Variants in EML6 observed in about 807,000 individuals in gnomAD.
The protein encoded by EML6 is EMAP like 6.
A neutral mutation model predicts 240.1 loss-of-function variants in EML6; 154 were observed. The observed-to-expected ratio is 0.64, with a 90% CI of 0.56 to 0.73. The LOEUF is 0.73. Ranked by LOEUF, EML6 falls within the 30% of genes least tolerant of loss-of-function variation. The pLI, the probability that EML6 is intolerant of heterozygous loss-of-function variation, is 0.00. For synonymous variants in EML6, 1,148 were observed against 899.0 expected, an observed-to-expected ratio of 1.28 and a Z score of -4.95; for missense variants, 2,964 against 2,474.6, an observed-to-expected ratio of 1.20 and a Z score of -4.20.
At chr2:54,961,397 G>A (rs758412529) in intron 35 of EML6, among the ~76,000 whole-genome samples, 2 of 151,184 alleles carry the variant, frequency 1.3e-5, no homozygotes, top group East Asian at 2.0e-4. Flanking sequence ...TGTTGGCCAG[G>A]CTGTTCTCAA....
intron 8 of EML6, among the ~76,000 whole-genome samples, chr2:54,844,581 G>A (rs1359328048): frequency 1.3e-5 from 2 of 152,206 alleles, no homozygotes; most frequent in Admixed American, 6.5e-5. Flanking sequence ...TTGGTCTTCT[G>A]CAGGGGGCTG....
chr2:54,948,180 C>T (rs1675784896), intron 28 of EML6, among the ~76,000 whole-genome samples: 1 of 152,174 alleles, frequency 6.6e-6, no homozygotes, highest in Non-Finnish European at 1.5e-5. Context: ...TTAGGGCTTA[C>T]ACATTATAAA....
intron 36 of EML6, among the ~76,000 whole-genome samples, chr2:54,963,170 T>G (rs1676600771): frequency 6.6e-6 from 1 of 152,188 alleles, no homozygotes; most frequent in Non-Finnish European, 1.5e-5. Context: ...CCGATCCTCA[T>G]GGCCTTATCC....
chr2:54,919,846 G>C (rs1369413931), intron 26 of EML6, among the ~76,000 whole-genome samples: 1 of 152,186 alleles, frequency 6.6e-6, no homozygotes, highest in Non-Finnish European at 1.5e-5. Flanking sequence ...GTATATCTCA[G>C]GTGGGAAGGA....
chr2:54,967,808 C>G (rs1676813760), intron 39 of EML6, among the ~76,000 whole-genome samples: 1 of 152,138 alleles, frequency 6.6e-6, no homozygotes, highest in East Asian at 1.9e-4. Context: ...TGAAACTGTT[C>G]CACCTCATAA....
chr2:54,893,432 A>G (rs1392520220), intron 19 of EML6, among the ~76,000 whole-genome samples: 2 of 152,114 alleles, frequency 1.3e-5, no homozygotes, highest in Non-Finnish European at 2.9e-5. Flanking sequence ...ATCCTTTAGT[A>G]ATGAACCCAC....
At chr2:54,873,824 C>G (rs947718207) in intron 16 of EML6, among the ~76,000 whole-genome samples, 3 of 144,858 alleles carry the variant, frequency 2.1e-5, no homozygotes, top group African/African-American at 7.8e-5. Context: ...TGAAAATTGA[C>G]TCAATTCTAG....
chr2:54,848,800 A>C (rs1050609867), intron 9 of EML6, among the ~76,000 whole-genome samples: 1 of 152,234 alleles, frequency 6.6e-6, no homozygotes, highest in Non-Finnish European at 1.5e-5. Flanking sequence ...TCTTAAAAGA[A>C]TCTGGTCAGA....
chr2:54,823,878 T>TCTCTCTCTCTCTCTCTCTCTCTC (rs60937620), intron 5 of EML6, among the ~76,000 whole-genome samples: 2,378 of 129,110 alleles, frequency 0.018, 229 homozygotes, highest in South Asian at 0.029. Flanking sequence ...CTCTCTCTCT[T>TCTCTCTCTCTCTCTCTCTCTCTC]TCTGTCTCTC....
chr2:54,961,203 T>TTTTTTTTTTTTTTTTG (rs1558729687), intron 35 of EML6, among the ~76,000 whole-genome samples: 1 of 141,262 alleles, frequency 7.1e-6, no homozygotes, highest in African/African-American at 2.7e-5. Flanking sequence ...TTTTTTTTTT[T>TTTTTTTTTTTTTTTTG]GAGACGGAGT....
intron 26 of EML6, among the ~76,000 whole-genome samples, chr2:54,918,592 C>T (rs574337830): frequency 1.3e-5 from 2 of 152,286 alleles, no homozygotes; most frequent in South Asian, 4.1e-4. Context: ...AACAATCCTC[C>T]CACCTGGGCC....
At chr2:54,728,634 G>C (rs1354011909) in intron 2 of EML6, among the ~76,000 whole-genome samples, 2 of 152,190 alleles carry the variant, frequency 1.3e-5, no homozygotes, top group Non-Finnish European at 2.9e-5. Flanking sequence ...CTGCAGAGTT[G>C]TAACTATTAG....
intron 2 of EML6, among the ~76,000 whole-genome samples, chr2:54,736,805 C>T (rs1354556869): frequency 1.3e-5 from 2 of 152,206 alleles, no homozygotes; most frequent in African/African-American, 2.4e-5. Flanking sequence ...CTGATACATA[C>T]AGGGGCCGGT....
At chr2:54,794,068 C>G (rs1159638460) in intron 2 of EML6, among the ~76,000 whole-genome samples, 1 of 152,168 alleles carries the variant, frequency 6.6e-6, no homozygotes, top group Non-Finnish European at 1.5e-5. Context: ...TGGCAGTGTA[C>G]TAAGTATATT....
Position 54,933,453 on chromosome 2 carries a change from G to T in EML6, c.4004+4702G>T, listed in dbSNP as rs916102546. Among the ~76,000 whole-genome samples, 4 of 152,156 alleles carry T rather than the reference G, an allele frequency of 2.6e-5. No homozygotes were observed. The East Asian group carries it at 7.7e-4, about 29-fold the overall frequency. On this transcript the variant is annotated intron_variant, in intron 28 of 41. Transcript: ENST00000356458. Reference sequence around the variant, plus strand: ...CCCATTTAAAACTATTCTATATATAGGCCAGGCACGGTGGCTTATGCCTGT... The same window carrying T: ...CCCATTTAAAACTATTCTATATATATGCCAGGCACGGTGGCTTATGCCTGT...
intron 2 of EML6, among the ~76,000 whole-genome samples, chr2:54,727,932 G>T (rs1048130639): frequency 6.6e-6 from 1 of 152,136 alleles, no homozygotes; most frequent in African/African-American, 2.4e-5. Context: ...TGTAGGTTTT[G>T]GCAGAGCTCA....
At chr2:54,918,481 T>A (rs1674051288) in intron 26 of EML6, among the ~76,000 whole-genome samples, 1 of 152,200 alleles carries the variant, frequency 6.6e-6, no homozygotes, top group African/African-American at 2.4e-5. Flanking sequence ...CCCCAGTAGC[T>A]GGGATTATGT....
At chr2:54,878,384 A>G (rs1671619464) in intron 16 of EML6, among the ~76,000 whole-genome samples, 1 of 152,170 alleles carries the variant, frequency 6.6e-6, no homozygotes, top group African/African-American at 2.4e-5. Flanking sequence ...GATGAGCTTG[A>G]TCACTCGTCT....
upstream of EML6, chr2:54,723,569 C>G (rs1016905725): frequency 6.6e-6 from 1 of 152,344 alleles, no homozygotes; most frequent in Non-Finnish European, 1.5e-5. Flanking sequence ...GAGATCTCGC[C>G]TAGTAACCGG....
Sources: allele counts gnomAD v4.1 joint callset (sites outside exome capture counted in the v4.1 genomes callset), GRCh38; gene constraint gnomAD v4.1.1; transcripts MANE v1.5; gene names NCBI Gene and HGNC (gene_info 2026-07-23, HGNC 2026-07-21).